The following PARD3 variants were observed in gnomAD, a reference collection of about 807,000 sequenced individuals.
The protein encoded by PARD3 is par-3 family cell polarity regulator.
In PARD3, 75 loss-of-function variants were observed where a neutral mutation model predicts 155.4. The ratio of observed to expected loss-of-function variants is 0.48; its 90% CI spans 0.40 to 0.58. The LOEUF is 0.58. Ranked by LOEUF, PARD3 falls within the 20% of genes least tolerant of loss-of-function variation. The pLI, the probability that PARD3 is intolerant of heterozygous loss-of-function variation, is 0.00. For missense variants in PARD3, 1,642 were observed against 1,721.7 expected (o/e 0.95, Z 0.82); for synonymous variants, 576 against 610.5 (o/e 0.94, Z 0.83).
Position 34,278,634 on chromosome 10 carries a change from C to G in PARD3, c.3176+5501G>C, listed in dbSNP as rs183346375. 3.4e-3 allele frequency among the ~76,000 whole-genome samples: 516 copies of G among 152,180 alleles called. 1 individual carries two copies. Among genetic ancestry groups the G allele is most frequent in the Non-Finnish European group, 4.8e-3 (326 of 68,018 alleles). On this transcript the variant is annotated intron_variant, in intron 21 of 24. Transcript: ENST00000374788. ...CCCCCTTTGCTGGGCTCTCATTCTT[C>G]TCTTTTCTCCCGCCACGTGAAGAAG...
intron 1 of PARD3, among the ~76,000 whole-genome samples, chr10:34,742,848 A>T (rs1262478439): frequency 1.3e-5 from 2 of 152,232 alleles, no homozygotes; most frequent in Non-Finnish European, 2.9e-5. Context: ...TACAATCACC[A>T]ACAAGGCACA....
At chr10:34,398,284 TA>T (rs949760795) in intron 7 of PARD3, among the ~76,000 whole-genome samples, 81 of 152,206 alleles carry the variant, frequency 5.3e-4, no homozygotes, top group African/African-American at 1.8e-3. Context: ...AATACTCATT[TA>T]AAAAAATAAA....
intron 2 of PARD3, among the ~76,000 whole-genome samples, chr10:34,660,790 G>A (rs2093304604): frequency 6.6e-6 from 1 of 152,132 alleles, no homozygotes; most frequent in Non-Finnish European, 1.5e-5. Flanking sequence ...TGCACAGCAA[G>A]AATGCAAGGA....
intron 6 of PARD3, among the ~76,000 whole-genome samples, chr10:34,400,695 T>C (rs1843788463): frequency 6.6e-6 from 1 of 152,182 alleles, no homozygotes; most frequent in Admixed American, 6.6e-5. Context: ...ACTATGAATG[T>C]CCTGCATAAA....
At chr10:34,740,159 C>T (rs977920336) in intron 1 of PARD3, among the ~76,000 whole-genome samples, 1 of 152,192 alleles carries the variant, frequency 6.6e-6, no homozygotes, top group African/African-American at 2.4e-5. Context: ...CACTTCAAGA[C>T]GAAAAAGAGG....
Position 34,480,794 on chromosome 10 carries a change from C to CTTTTTTT in PARD3, c.404-10538_404-10532dup, listed in dbSNP as rs61461165. Reference sequence around the variant, plus strand: ...GGGGTACATCTGCAGGTTTCTTTTTCTTTTTTTTTTTTTTTTTTTCTTTTT... The same window carrying CTTTTTTT: ...GGGGTACATCTGCAGGTTTCTTTTTCTTTTTTTTTTTTTTTTTTTTTTTTTTCTTTTT... On this transcript the variant is annotated intron_variant, in intron 3 of 24. Coordinates refer to ENST00000374788, the MANE Select transcript of PARD3 (RefSeq NM_001184785.2). Among the ~76,000 whole-genome samples the CTTTTTTT allele has an allele frequency of 3.1e-3, 384 of 125,758 alleles. 1 individual carries two copies. The highest frequency in any genetic ancestry group is 3.8e-3 in the Non-Finnish European group (229 of 60,014). The allele number at this position is 125,758 out of a possible 152,430, so 82.5% of individuals were successfully genotyped here.
chr10:34,569,518 T>G (rs1023045100), intron 2 of PARD3, among the ~76,000 whole-genome samples: 2 of 152,020 alleles, frequency 1.3e-5, no homozygotes, highest in Non-Finnish European at 2.9e-5. Flanking sequence ...CCCGGGTTCA[T>G]GCCATTCTCC....
intron 3 of PARD3, among the ~76,000 whole-genome samples, chr10:34,493,153 T>C (rs990569653): frequency 2.6e-5 from 4 of 152,228 alleles, no homozygotes; most frequent in Admixed American, 1.3e-4. Flanking sequence ...CATTTGTGCA[T>C]ATTTCCCTCT....
At chr10:34,198,453 GGTGTGTGTGT>G (rs59976562) in intron 22 of PARD3, among the ~76,000 whole-genome samples, 46 of 147,020 alleles carry the variant, frequency 3.1e-4, no homozygotes, top group East Asian at 2.3e-3. Flanking sequence ...ATCACTAATT[GGTGTGTGTGT>G]GTGTGTGTGT....
At chr10:34,503,647 G>C (rs906552179) in intron 3 of PARD3, among the ~76,000 whole-genome samples, 2 of 152,244 alleles carry the variant, frequency 1.3e-5, no homozygotes, top group African/African-American at 2.4e-5. Flanking sequence ...CCGCAGGATA[G>C]ACAACAGGCT....
intron 20 of PARD3, among the ~76,000 whole-genome samples, chr10:34,308,101 C>A (rs1431153079): frequency 6.6e-6 from 1 of 150,394 alleles, no homozygotes; most frequent in African/African-American, 2.5e-5. Flanking sequence ...CTCTAGTGGA[C>A]CCGGTAGGTT....
chr10:34,599,473 G>A (rs1199607072), intron 2 of PARD3, among the ~76,000 whole-genome samples: 2 of 152,102 alleles, frequency 1.3e-5, no homozygotes, highest in Admixed American at 6.5e-5. Context: ...TCAGACTGCC[G>A]GCATGGAACT....
At chr10:34,493,552 T>TA (rs1344038338) in intron 3 of PARD3, among the ~76,000 whole-genome samples, 2 of 151,908 alleles carry the variant, frequency 1.3e-5, no homozygotes, top group African/African-American at 4.8e-5. Flanking sequence ...GCTAACATGG[T>TA]AAAACCCCAT....
At chr10:34,608,534 C>CTTTT (rs71299715) in intron 2 of PARD3, among the ~76,000 whole-genome samples, 1,882 of 125,324 alleles carry the variant, frequency 0.015, 49 homozygotes, top group African/African-American at 0.036. Context: ...AAAAAGAATA[C>CTTTT]TTTTTTTTTT....
intron 1 of PARD3, among the ~76,000 whole-genome samples, chr10:34,724,594 C>CT (rs2094666677): frequency 6.6e-6 from 1 of 152,168 alleles, no homozygotes; most frequent in Non-Finnish European, 1.5e-5. Flanking sequence ...AAAGGAAATA[C>CT]TATAGTGAAT....
At chr10:34,218,473 C>T (rs1723289374) in intron 22 of PARD3, among the ~76,000 whole-genome samples, 1 of 152,188 alleles carries the variant, frequency 6.6e-6, no homozygotes, top group African/African-American at 2.4e-5. Flanking sequence ...CTTCTAACCA[C>T]TCCGTCCCCA....
chr10:34,762,374 G>A (rs905757961), intron 1 of PARD3, among the ~76,000 whole-genome samples: 6 of 151,016 alleles, frequency 4.0e-5, no homozygotes, highest in African/African-American at 1.5e-4. Context: ...ACTCACTGCA[G>A]ACTCAACCTC....
chr10:34,224,794 A>G (rs1331235319), intron 22 of PARD3, among the ~76,000 whole-genome samples: 1 of 152,084 alleles, frequency 6.6e-6, no homozygotes, highest in Admixed American at 6.5e-5. Flanking sequence ...TAGACATGCT[A>G]TTTCATTAGG....
At chr10:34,751,432 TTATC>T (rs1422836813) in intron 1 of PARD3, among the ~76,000 whole-genome samples, 1 of 152,178 alleles carries the variant, frequency 6.6e-6, no homozygotes, top group Non-Finnish European at 1.5e-5. Context: ...GATTTCCCGT[TTATC>T]TATTGCAGGA....
Sources: allele counts gnomAD v4.1 joint callset (sites outside exome capture counted in the v4.1 genomes callset), GRCh38; gene constraint gnomAD v4.1.1; transcripts MANE v1.5; gene names NCBI Gene and HGNC (gene_info 2026-07-23, HGNC 2026-07-21).